Variants in WNT7B observed in about 807,000 individuals in gnomAD.
WNT7B encodes Wnt family member 7B.
WNT7B carries 19 observed loss-of-function variants against 38.2 expected under a neutral mutation model. The ratio of observed to expected loss-of-function variants is 0.50; its 90% CI spans 0.35 to 0.73. WNT7B has a LOEUF of 0.73. Ranked by LOEUF, WNT7B falls within the 30% of genes least tolerant of loss-of-function variation. The pLI is 0.01. For missense variants in WNT7B, 423 were observed against 507.9 expected (o/e 0.83, Z 1.61); for synonymous variants, 243 against 209.3 (o/e 1.16, Z -1.39).
chr22:45,973,834 A>C (rs1406163703), intron 1 of WNT7B, among the ~76,000 whole-genome samples: 1 of 152,166 alleles, frequency 6.6e-6, no homozygotes, highest in East Asian at 1.9e-4. Flanking sequence ...GGGGTTGTAC[A>C]TGTGAGTTGC....
rs565901607 is a variant in WNT7B, at chr22:45,961,629, G to T, written c.72-11483C>A. On this transcript the variant is annotated intron_variant, in intron 1 of 3. Transcript: ENST00000339464. ...GCACAGGGAGCTGGGCAGGTGGGGG[G>T]TGGGCAAGGACGGGGCTGGGGAGAG... Among the ~76,000 whole-genome samples the T allele has an allele frequency of 2.0e-5, 3 of 151,450 alleles. No homozygotes were observed. The South Asian group carries it at 6.3e-4, about 32-fold the overall frequency.
intron 2 of WNT7B, among the ~76,000 whole-genome samples, chr22:45,938,528 T>G (rs1931567088): frequency 6.6e-6 from 1 of 151,822 alleles, no homozygotes; most frequent in Non-Finnish European, 1.5e-5. Flanking sequence ...TACCAGCTAC[T>G]TGGGAGGCTG....
At chr22:45,938,848 T>C (rs1931574754) in intron 2 of WNT7B, among the ~76,000 whole-genome samples, 1 of 152,244 alleles carries the variant, frequency 6.6e-6, no homozygotes, top group South Asian at 2.1e-4. Flanking sequence ...TTACACATTG[T>C]ATACATGTAT....
At chr22:45,974,470 C>T (rs1461115299) in intron 1 of WNT7B, among the ~76,000 whole-genome samples, 1 of 152,236 alleles carries the variant, frequency 6.6e-6, no homozygotes. Context: ...GGGGCTGAGC[C>T]TCGAGGGAGG....
At chr22:45,942,497 C>T (rs750026922) in intron 2 of WNT7B, among the ~76,000 whole-genome samples, 13 of 152,238 alleles carry the variant, frequency 8.5e-5, no homozygotes, top group South Asian at 6.2e-4. Flanking sequence ...CTCCAGGCCA[C>T]GGCTTGGCCC....
At chr22:45,956,671 G>A (rs1315967484) in intron 1 of WNT7B, among the ~76,000 whole-genome samples, 1 of 152,216 alleles carries the variant, frequency 6.6e-6, no homozygotes, top group Non-Finnish European at 1.5e-5. Flanking sequence ...TCAACAGGAG[G>A]ATAGATAAAA....
In WNT7B at chr22:45,975,485, A is replaced by T; in HGVS notation, c.71+1199T>A. 1.4e-6 allele frequency: 1 copy of T among 711,854 alleles called. No individual in the cohort carries two copies. The highest frequency in any genetic ancestry group is 2.6e-6 in the Non-Finnish European group (1 of 381,844). The allele number at this position is 711,854 out of a possible 1,614,324, so 44.1% of individuals were successfully genotyped here. On this transcript the variant is annotated intron_variant, in intron 1 of 3. Transcript: ENST00000339464. The surrounding 1 kb of genome is among the most constrained non-coding windows in gnomAD (Gnocchi z 6.6). The stretch of plus-strand genomic sequence containing the variant: ...GGCTCAGGCTAGGACGGGGGCTTCC[A>T]GTCCTGCCTCTGAAGCCACTGGCTT...
chr22:45,950,058 T>C lies in WNT7B; in HGVS notation c.160A>G (p.Ser54Gly). The part of the protein sequence containing the change: ...LAPRQRAICQ[S>G]RPDAIIVIGE... ...ATCACAATGATGGCATCGGGCCGAC[T>C]CTGGCAGATGGCACGCTGCCGCGGG... Residue 54 changes from serine (S) to glycine (G), a missense_variant, in exon 2 of 4, where the codon AGT (serine) becomes GGT (glycine). By Grantham distance (56) the Ser-to-Gly change is moderately conservative (BLOSUM62 0). This residue lies in a region of WNT7B where 133 missense variants were observed against 179.8 expected (regional missense o/e 0.74). Coordinates refer to ENST00000339464, the MANE Select transcript of WNT7B (RefSeq NM_058238.3). The C allele has an allele frequency of 2.5e-6, 4 of 1,614,038 alleles. No individual in the cohort carries two copies. The highest frequency in any genetic ancestry group is 3.4e-6 in the Non-Finnish European group (4 of 1,180,042).
chr22:45,933,957 C>T (rs1224424505), intron 2 of WNT7B, among the ~76,000 whole-genome samples: 5 of 152,200 alleles, frequency 3.3e-5, no homozygotes. Flanking sequence ...ACTTGTCTGG[C>T]CACACAGGCG....
intron 1 of WNT7B, among the ~76,000 whole-genome samples, chr22:45,968,771 C>T (rs1253209028): frequency 1.3e-5 from 2 of 152,186 alleles, no homozygotes; most frequent in Non-Finnish European, 2.9e-5. Flanking sequence ...GAGATCTCAT[C>T]AGATTTCCCA....
At chr22:45,937,770 A>G (rs1296568658) in intron 2 of WNT7B, among the ~76,000 whole-genome samples, 2 of 152,200 alleles carry the variant, frequency 1.3e-5, no homozygotes, top group East Asian at 1.9e-4. Context: ...AGCACTTTGG[A>G]AGGCTGAAGC....
In WNT7B at chr22:45,976,262, G is replaced by T. The variant is rs1338534112; in HGVS notation, c.71+422C>A. Among the ~76,000 whole-genome samples the T allele has an allele frequency of 6.8e-6, 1 of 146,724 alleles. No homozygotes were observed. Among genetic ancestry groups the T allele is most frequent in the Non-Finnish European group, 1.5e-5 (1 of 65,950 alleles). On this transcript the variant is annotated intron_variant, in intron 1 of 3. Coordinates refer to ENST00000339464, the MANE Select transcript of WNT7B (RefSeq NM_058238.3). This position sits in a 1 kb window ranked among gnomAD's most constrained non-coding sequence, Gnocchi z 8.5. ...GCGCCCCCCGCCCTCCCGGGCCTCCGCAGGCGCCGGACGCCCCCCGACCCC... is the reference window on the plus strand; with the variant it reads ...GCGCCCCCCGCCCTCCCGGGCCTCCTCAGGCGCCGGACGCCCCCCGACCCC...
chr22:45,930,438 C>T (rs1041482982), intron 3 of WNT7B, among the ~76,000 whole-genome samples: 2 of 152,250 alleles, frequency 1.3e-5, no homozygotes, highest in Non-Finnish European at 2.9e-5. Context: ...CACCCTATCT[C>T]AGGCCATCTT....
intron 3 of WNT7B, chr22:45,925,365 G>A: frequency 1.0e-6 from 1 of 985,380 alleles, no homozygotes; most frequent in Non-Finnish European, 1.2e-6. Context: ...TGGGGAGACT[G>A]GAGAGACTTG....
At chr22:45,953,193 C>T (rs1384479836) in intron 1 of WNT7B, among the ~76,000 whole-genome samples, 2 of 50,136 alleles carry the variant, frequency 4.0e-5, no homozygotes, top group African/African-American at 1.7e-4. Context: ...CCACCGTGTC[C>T]GTGCCTGGCT....
At chr22:45,930,799 G>C (rs369801841) in intron 3 of WNT7B, among the ~76,000 whole-genome samples, 149 of 152,252 alleles carry the variant, frequency 9.8e-4, no homozygotes, top group African/African-American at 3.2e-3. Context: ...CCGCCACGGG[G>C]TCCCCAGCCA....
At chr22:45,956,058 C>A (rs2146738911) in intron 1 of WNT7B, among the ~76,000 whole-genome samples, 1 of 152,284 alleles carries the variant, frequency 6.6e-6, no homozygotes, top group South Asian at 2.1e-4. Context: ...ACTCCAGCCC[C>A]TTCAACCACT....
chr22:45,956,666 A>G (rs1327920535), intron 1 of WNT7B, among the ~76,000 whole-genome samples: 1 of 152,252 alleles, frequency 6.6e-6, no homozygotes, highest in Non-Finnish European at 1.5e-5. Flanking sequence ...GTCTGTCAAC[A>G]GGAGGATAGA....
At chr22:45,946,903 G>A (rs1009055877) in intron 2 of WNT7B, among the ~76,000 whole-genome samples, 2 of 152,208 alleles carry the variant, frequency 1.3e-5, no homozygotes, top group South Asian at 2.1e-4. Context: ...CAAGGTCAAC[G>A]CCTGAAAGGG....
Sources: allele counts gnomAD v4.1 joint callset (sites outside exome capture counted in the v4.1 genomes callset), GRCh38; gene constraint gnomAD v4.1.1; regional missense constraint gnomAD v4.1.1; non-coding constraint Gnocchi (gnomAD v3.1); transcripts MANE v1.5; gene names NCBI Gene and HGNC (gene_info 2026-07-23, HGNC 2026-07-21).